Variants in FBXO17 observed in about 807,000 individuals in gnomAD.
FBXO17 encodes the protein F-box protein 17, also known as F-box only protein 17.
FBXO17 carries 43 observed loss-of-function variants against 34.1 expected under a neutral mutation model. That is an observed-to-expected ratio of 1.26 (90% CI 0.99 to 1.62). The LOEUF (loss-of-function observed/expected upper bound fraction) is 1.62, where lower values mean the gene tolerates loss of function less well. FBXO17 is among the 40% of genes most tolerant of loss of function. The probability of loss-of-function intolerance (pLI) is 0.00; values close to 1 mark genes in which losing one functional copy is unlikely to be tolerated. For synonymous variants in FBXO17, 169 were observed against 166.0 expected, an observed-to-expected ratio of 1.02 and a Z score of -0.14; for missense variants, 424 against 386.7, an observed-to-expected ratio of 1.10 and a Z score of -0.81.
At chr19:38,943,079 C>A (rs557586036) in intron 5 of FBXO17, among the ~76,000 whole-genome samples, 42 of 152,098 alleles carry the variant, frequency 2.8e-4, no homozygotes, top group African/African-American at 8.4e-4. Context: ...TGGAGGGTGT[C>A]CCAGGCAGCA....
intron 1 of FBXO17, chr19:38,952,829 A>C (rs935483685): frequency 2.2e-6 from 1 of 456,544 alleles, no homozygotes; most frequent in Non-Finnish European, 4.4e-6. Context: ...CCTCAATCTC[A>C]CACTCACTCT....
intron 3 of FBXO17, among the ~76,000 whole-genome samples, chr19:38,947,869 T>C (rs2144812876): frequency 6.9e-6 from 1 of 144,868 alleles, no homozygotes; most frequent in South Asian, 2.2e-4. Flanking sequence ...CGGCCTTCAG[T>C]TTCCTGTTAT....
At chr19:38,944,651 GTC>G in intron 5 of FBXO17, 1 of 34,584 alleles carries the variant, frequency 2.9e-5, no homozygotes, top group Non-Finnish European at 3.8e-5. Context: ...TAACCTCCCT[GTC>G]TGTGCCTCTG....
At chr19:38,954,899 TTATTATTA>T (rs1975142900) in intron 1 of FBXO17, among the ~76,000 whole-genome samples, 32 of 9,310 alleles carry the variant, frequency 3.4e-3, no homozygotes, top group Admixed American at 0.03. Flanking sequence ...TGTTATTTTA[TTATTATTA>T]TTATTATTAT....
At chr19:38,968,344 G>C (rs1488528462) in intron 1 of FBXO17, among the ~76,000 whole-genome samples, 1 of 151,732 alleles carries the variant, frequency 6.6e-6, no homozygotes, top group Non-Finnish European at 1.5e-5. Flanking sequence ...AACATGGCTG[G>C]GTGCAGTGGC....
At chr19:38,953,975 A>C (rs538992631) in intron 1 of FBXO17, among the ~76,000 whole-genome samples, 4 of 148,506 alleles carry the variant, frequency 2.7e-5, no homozygotes, top group Admixed American at 6.8e-5. Context: ...AAAGGGGGGG[A>C]GGAGGTGTTG....
In FBXO17 at chr19:38,950,128, G is replaced by A; in HGVS notation, c.192C>T (p.Ala64=). 1.3e-6 allele frequency: 2 copies of A among 1,561,972 alleles called. No individual in the cohort carries two copies. Among genetic ancestry groups the A allele is most frequent in the South Asian group, 1.2e-5 (1 of 85,448 alleles). ...CGCGGCCCTCGGCGCTGCGGTCGCG[G>A]GCCAGCTGCAGCAGCCACACAGTGG... ...DGPTVWLLQL[A]RDRSAEGRAL... is the part of the protein sequence containing the mutation. The change falls in exon 2 of 6, where the codon GCC becomes GCT. Residue 64 remains alanine, a synonymous_variant. Transcript: ENST00000292852.
At chr19:38,945,261 C>T in intron 4 of FBXO17, 157 bp from the exon 5 acceptor site, 1 of 986,038 alleles carries the variant, frequency 1.0e-6, no homozygotes, top group Non-Finnish European at 1.5e-6. Flanking sequence ...GGGGAGGAGC[C>T]TTGGTGGTTC....
chr19:38,947,699 CA>C (rs1457700931), intron 3 of FBXO17, among the ~76,000 whole-genome samples: 1 of 152,112 alleles, frequency 6.6e-6, no homozygotes, highest in Non-Finnish European at 1.5e-5. Flanking sequence ...AACAGATTCT[CA>C]TTTTTTCTTT....
At chr19:38,967,179 C>G (rs1259608735) in intron 1 of FBXO17, among the ~76,000 whole-genome samples, 1 of 152,146 alleles carries the variant, frequency 6.6e-6, no homozygotes, top group African/African-American at 2.4e-5. Context: ...GACAAAAGGC[C>G]GGGCACAGTG....
intron 1 of FBXO17, among the ~76,000 whole-genome samples, chr19:38,958,492 A>G (rs74348006): frequency 0.012 from 1,753 of 152,060 alleles, 37 homozygotes; most frequent in African/African-American, 0.036. Context: ...TTGGAGAATA[A>G]GCCTGAGAGG....
At position 38,948,647 on chromosome 19, in the gene FBXO17, G is replaced by C; in HGVS notation, c.381C>G (p.Gly127=). Residue 127 remains glycine, a synonymous_variant, in exon 3 of 6, where the codon GGC becomes GGG. Transcript: ENST00000292852. ...TCTTTTCTATGGCCCAGCCGTTCCC[G>C]CCATGCTCCACCTCCCAGCCTCTGA... The part of the protein sequence containing the change: ...QGFRGWEVEH[G]GNGWAIEKNL... 1 of 1,614,008 alleles carries C rather than the reference G, an allele frequency of 6.2e-7. No individual in the cohort carries two copies. Among genetic ancestry groups the C allele is most frequent in the Non-Finnish European group, 8.5e-7 (1 of 1,179,954 alleles).
intron 1 of FBXO17, among the ~76,000 whole-genome samples, chr19:38,954,690 C>T (rs1247764495): frequency 6.0e-5 from 9 of 150,038 alleles, no homozygotes; most frequent in Non-Finnish European, 1.3e-4. Context: ...AGCAATTCTC[C>T]TGCCTCAGCC....
chr19:38,960,892 C>T (rs536145013), intron 1 of FBXO17, among the ~76,000 whole-genome samples: 4 of 151,644 alleles, frequency 2.6e-5, no homozygotes, highest in African/African-American at 4.8e-5. Flanking sequence ...CTGCAACCTC[C>T]GCCTCCCAAG....
At chr19:38,966,031 C>T (rs1036517774) in intron 1 of FBXO17, among the ~76,000 whole-genome samples, 9 of 151,622 alleles carry the variant, frequency 5.9e-5, no homozygotes, top group Admixed American at 2.6e-4. Flanking sequence ...AGTGCAGTGG[C>T]GTGATCTTGG....
At chr19:38,970,845 A>G (rs2144845735) in intron 1 of FBXO17, among the ~76,000 whole-genome samples, 1 of 152,264 alleles carries the variant, frequency 6.6e-6, no homozygotes, top group Non-Finnish European at 1.5e-5. Context: ...TCACGCCTAT[A>G]ATCCCAGCAC....
intron 2 of FBXO17, among the ~76,000 whole-genome samples, chr19:38,949,171 A>G (rs923895748): frequency 7.9e-5 from 12 of 152,228 alleles, no homozygotes; most frequent in African/African-American, 2.6e-4. Context: ...GCATGATCTC[A>G]GCCCACTGTA....
At chr19:38,946,661 C>T (rs1254738791) in intron 3 of FBXO17, 94 bp from the exon 4 acceptor site, 3 of 1,538,056 alleles carry the variant, frequency 2.0e-6, no homozygotes, top group South Asian at 1.2e-5. Context: ...CCCTTGATAA[C>T]CCTCTCTAAA....
At position 38,950,101 on chromosome 19, in the gene FBXO17, T is replaced by C. The variant is rs1246719850; in HGVS notation, c.219A>G (p.Ala73=). ...GGCAGCGTTGAGCCACTGCGTAGAG[T>C]GCGCGGCCCTCGGCGCTGCGGTCGC... The part of the protein sequence containing the change: ...LARDRSAEGR[A]LYAVAQRCLP... Residue 73 remains alanine, a synonymous_variant, in exon 2 of 6, where the codon GCA becomes GCG. Coordinates refer to ENST00000292852, the MANE Select transcript of FBXO17 (RefSeq NM_024907.7). 6.4e-7 allele frequency: 1 copy of C among 1,563,850 alleles called. No homozygotes were observed. Among genetic ancestry groups the C allele is most frequent in the Non-Finnish European group, 8.6e-7 (1 of 1,156,910 alleles).
Sources: allele counts gnomAD v4.1 joint callset (sites outside exome capture counted in the v4.1 genomes callset), GRCh38; gene constraint gnomAD v4.1.1; transcripts MANE v1.5; gene names NCBI Gene and HGNC (gene_info 2026-07-23, HGNC 2026-07-21).